SRBD1: variants seen among roughly 807,000 people sequenced by gnomAD.
SRBD1 encodes S1 RNA-binding domain-containing protein 1.
A neutral mutation model predicts 115.3 loss-of-function variants in SRBD1; 88 were observed. The ratio of observed to expected loss-of-function variants is 0.76; its 90% CI spans 0.64 to 0.91. SRBD1 has a LOEUF of 0.91. SRBD1 is among the 40% of genes least tolerant of loss of function. The pLI, the probability that SRBD1 is intolerant of heterozygous loss-of-function variation, is 0.00. For synonymous variants in SRBD1, 509 were observed against 407.7 expected (o/e 1.25, Z -2.99); for missense variants, 1,385 against 1,177.4 (o/e 1.18, Z -2.58).
chr2:45,518,677 G>A (rs1413063006), intron 14 of SRBD1, among the ~76,000 whole-genome samples: 1 of 151,898 alleles, frequency 6.6e-6, no homozygotes, highest in Non-Finnish European at 1.5e-5. Context: ...TTTATGTTTT[G>A]GACAGACTAT....
At chr2:45,527,171 C>A (rs1438992896) in intron 14 of SRBD1, among the ~76,000 whole-genome samples, 1 of 151,858 alleles carries the variant, frequency 6.6e-6, no homozygotes, top group Non-Finnish European at 1.5e-5. Context: ...ATACTCTCCA[C>A]ATACATTATG....
chr2:45,447,759 A>G (rs1395514308), intron 16 of SRBD1: 1 of 152,220 alleles, frequency 6.6e-6, no homozygotes, highest in African/African-American at 2.4e-5. Flanking sequence ...TGTAGGGGTT[A>G]TATTCCTGAA....
At chr2:45,595,143 T>C (rs1049181735) in intron 4 of SRBD1, among the ~76,000 whole-genome samples, 2 of 152,230 alleles carry the variant, frequency 1.3e-5, no homozygotes, top group Non-Finnish European at 2.9e-5. Context: ...AAACTTGTAA[T>C]TTTGTCCTTT....
chr2:45,404,781 C>T (rs1469420805), intron 19 of SRBD1, among the ~76,000 whole-genome samples: 2 of 152,090 alleles, frequency 1.3e-5, no homozygotes, highest in Non-Finnish European at 2.9e-5. Context: ...TACAGTCAAA[C>T]CCCTATAGTA....
At chr2:45,474,459 C>A (rs1455175772) in intron 16 of SRBD1, among the ~76,000 whole-genome samples, 1 of 152,234 alleles carries the variant, frequency 6.6e-6, no homozygotes, top group Non-Finnish European at 1.5e-5. Flanking sequence ...GCTCCTTGAG[C>A]TTCCTGACAT....
intron 8 of SRBD1, among the ~76,000 whole-genome samples, chr2:45,574,366 T>C (rs1048308778): frequency 6.6e-6 from 1 of 152,222 alleles, no homozygotes; most frequent in Non-Finnish European, 1.5e-5. Flanking sequence ...TTTAAACTCA[T>C]CAGGCCCCTC....
intron 16 of SRBD1, among the ~76,000 whole-genome samples, chr2:45,465,752 A>G (rs1669467574): frequency 6.6e-6 from 1 of 152,216 alleles, no homozygotes; most frequent in Non-Finnish European, 1.5e-5. Context: ...AATGCATGTT[A>G]CAGTGCATTA....
chr2:45,447,848 T>C (rs1349000011), intron 16 of SRBD1: 1 of 152,210 alleles, frequency 6.6e-6, no homozygotes, highest in Non-Finnish European at 1.5e-5. Context: ...GTACCATTCC[T>C]TGGGGCAGAG....
chr2:45,601,451 C>T, intron 3 of SRBD1, among the ~76,000 whole-genome samples: 1 of 152,302 alleles, frequency 6.6e-6, no homozygotes, highest in Middle Eastern at 3.4e-3. Flanking sequence ...TATATCTGTT[C>T]CCAAAATGTT....
At chr2:45,509,919 G>A (rs1298213688) in intron 14 of SRBD1, among the ~76,000 whole-genome samples, 2 of 152,024 alleles carry the variant, frequency 1.3e-5, no homozygotes, top group Non-Finnish European at 2.9e-5. Context: ...ATATTCAGTA[G>A]AGACAAGGTC....
At chr2:45,451,028 G>A (rs1668976565) in intron 16 of SRBD1, among the ~76,000 whole-genome samples, 1 of 152,070 alleles carries the variant, frequency 6.6e-6, no homozygotes, top group Non-Finnish European at 1.5e-5. Context: ...ACAGTAGACG[G>A]CCATTTTCAC....
At chr2:45,498,618 A>G (rs1670532799) in intron 14 of SRBD1, among the ~76,000 whole-genome samples, 1 of 152,292 alleles carries the variant, frequency 6.6e-6, no homozygotes, top group East Asian at 1.9e-4. Flanking sequence ...CCACTGTACT[A>G]CGGAATACTA....
intron 14 of SRBD1, among the ~76,000 whole-genome samples, chr2:45,492,389 G>C (rs937206390): frequency 2.0e-5 from 3 of 152,120 alleles, no homozygotes; most frequent in Non-Finnish European, 4.4e-5. Context: ...GCCAAATTGA[G>C]ATGGGAAGGT....
intron 14 of SRBD1, among the ~76,000 whole-genome samples, chr2:45,528,777 G>C (rs371412637): frequency 4.0e-5 from 6 of 151,838 alleles, no homozygotes; most frequent in African/African-American, 1.4e-4. Context: ...GAGTGGGGAA[G>C]AGGTACAAGA....
At chr2:45,418,222 C>T (rs1191809965) in intron 18 of SRBD1, 143 bp downstream of exon 18, 24 of 914,742 alleles carry the variant, frequency 2.6e-5, no homozygotes, top group Non-Finnish European at 3.6e-5. Flanking sequence ...CAATGCCTAC[C>T]AAAGGACAGT....
At chr2:45,554,540 C>T (rs1672412173) in intron 10 of SRBD1, among the ~76,000 whole-genome samples, 1 of 152,172 alleles carries the variant, frequency 6.6e-6, no homozygotes, top group South Asian at 2.1e-4. Flanking sequence ...GGCCACAATG[C>T]TCTACCAGGC....
intron 14 of SRBD1, among the ~76,000 whole-genome samples, chr2:45,534,762 A>G (rs755075857): frequency 6.6e-6 from 1 of 152,012 alleles, no homozygotes; most frequent in Non-Finnish European, 1.5e-5. Flanking sequence ...TATTAACTTC[A>G]TAACATTATG....
intron 16 of SRBD1, among the ~76,000 whole-genome samples, chr2:45,462,418 C>T (rs1220387445): frequency 6.6e-6 from 1 of 152,196 alleles, no homozygotes; most frequent in Non-Finnish European, 1.5e-5. Flanking sequence ...TTCATACCCT[C>T]TGGCCCCATG....
chr2:45,467,150 T>C (rs2103791236), intron 16 of SRBD1, among the ~76,000 whole-genome samples: 1 of 152,322 alleles, frequency 6.6e-6, no homozygotes, highest in Middle Eastern at 3.4e-3. Context: ...TCTAGCATAT[T>C]GTCAGATGAT....
Sources: gnomAD v4.1 joint callset for allele counts (sites outside exome capture counted in the v4.1 genomes callset) on GRCh38, gnomAD v4.1.1 for gene constraint, MANE v1.5 for transcripts, NCBI Gene and HGNC (gene_info 2026-07-23, HGNC 2026-07-21) for gene names.